The following HDAC9 variants were observed in gnomAD, a reference collection of about 807,000 sequenced individuals.
HDAC9 encodes the protein histone deacetylase 9, also known as MEF-2 interacting transcription repressor (MITR) protein.
Under a neutral mutation model 139.4 loss-of-function variants are expected in HDAC9, and 41 were observed. The observed-to-expected ratio is 0.29, with a 90% confidence interval of 0.23 to 0.38. HDAC9 has a LOEUF of 0.38. Among genes scored for constraint, HDAC9 ranks in the 10% least tolerant of loss-of-function variants. HDAC9 has a pLI of 1.00. For missense variants in HDAC9, 1,147 were observed against 1,297.0 expected (o/e 0.88, Z 1.78); for synonymous variants, 517 against 476.2 (o/e 1.09, Z -1.12).
chr7:18,887,292 T>G (rs1229055303), intron 22 of HDAC9, among the ~76,000 whole-genome samples: 1 of 152,200 alleles, frequency 6.6e-6, no homozygotes. Flanking sequence ...GTACTGCAAT[T>G]GGCATTTCCA....
chr7:18,418,442 A>C (rs1249287046), intron 1 of HDAC9, among the ~76,000 whole-genome samples: 1 of 147,962 alleles, frequency 6.8e-6, no homozygotes, highest in Admixed American at 6.7e-5. Context: ...AAAAAAAAAA[A>C]CTACAGCTAC....
intron 2 of HDAC9, among the ~76,000 whole-genome samples, chr7:18,210,413 T>C (rs1584653409): frequency 6.6e-6 from 1 of 152,198 alleles, no homozygotes; most frequent in Non-Finnish European, 1.5e-5. Context: ...TTTCAGACAA[T>C]GTAGAATAAA....
intron 1 of HDAC9, among the ~76,000 whole-genome samples, chr7:18,364,618 G>A (rs934905153): frequency 6.6e-6 from 1 of 151,924 alleles, no homozygotes; most frequent in African/African-American, 2.4e-5. Context: ...AGAATCTCAG[G>A]CCCCCAAAGC....
intron 14 of HDAC9, 121 bp downstream of exon 14, chr7:18,749,259 AC>A: frequency 9.7e-7 from 1 of 1,032,298 alleles, no homozygotes; most frequent in Non-Finnish European, 1.4e-6. Flanking sequence ...TGATTGATGA[AC>A]CATCATAGAT....
intron 2 of HDAC9, among the ~76,000 whole-genome samples, chr7:18,547,858 A>T (rs62446988): frequency 0.14 from 3,511 of 25,928 alleles, 81 homozygotes; most frequent in African/African-American, 0.25. Flanking sequence ...CTTCCTTCCT[A>T]CCCTCCCTCC....
chr7:18,200,491 G>A (rs1049118900), intron 2 of HDAC9, among the ~76,000 whole-genome samples: 3 of 151,986 alleles, frequency 2.0e-5, no homozygotes, highest in African/African-American at 7.3e-5. Context: ...GTACTTTTTG[G>A]CCTGGCTCAA....
chr7:18,750,034 C>T (rs114749131), intron 14 of HDAC9, among the ~76,000 whole-genome samples: 2,015 of 152,256 alleles, frequency 0.013, 50 homozygotes, highest in African/African-American at 0.046. Context: ...AACAAAATTC[C>T]TATTCAAATT....
At chr7:18,992,332 A>T (rs1786048162) in intron 25 of HDAC9, among the ~76,000 whole-genome samples, 1 of 152,228 alleles carries the variant, frequency 6.6e-6, no homozygotes, top group Non-Finnish European at 1.5e-5. Flanking sequence ...ACCAGCTTCA[A>T]ACTAGATAAA....
At chr7:18,448,553 C>T (rs924990912) in intron 1 of HDAC9, among the ~76,000 whole-genome samples, 6 of 151,976 alleles carry the variant, frequency 3.9e-5, no homozygotes, top group African/African-American at 9.7e-5. Flanking sequence ...GAGAGGGTAA[C>T]GTAACTATTT....
intron 2 of HDAC9, among the ~76,000 whole-genome samples, chr7:18,501,381 T>C (rs916160985): frequency 6.6e-6 from 1 of 151,994 alleles, no homozygotes; most frequent in African/African-American, 2.4e-5. Context: ...CTGCTTAAAA[T>C]AGAAACACAT....
Position 18,324,567 on chromosome 7 carries a change from T to C in HDAC9, c.-42+34052T>C, listed in dbSNP as rs191480835. ...CTTACGGTTTTTCTTGGGTGCTGTATACCCTTGCTACTCACAATGTGGTCC... is the reference window on the plus strand; with the variant it reads ...CTTACGGTTTTTCTTGGGTGCTGTACACCCTTGCTACTCACAATGTGGTCC... On this transcript the variant is annotated intron_variant, in intron 1 of 3. Transcript: ENST00000413509. Among the ~76,000 whole-genome samples, 146 of 152,274 alleles carry C rather than the reference T, an allele frequency of 9.6e-4. 1 individual carries two copies. Among genetic ancestry groups the C allele is most frequent in the East Asian group, 4.3e-3 (22 of 5,174 alleles).
chr7:18,487,888 C>T (rs1374482117), intron 1 of HDAC9, among the ~76,000 whole-genome samples: 1 of 151,926 alleles, frequency 6.6e-6, no homozygotes, highest in Admixed American at 6.6e-5. Flanking sequence ...GTATCTGCTA[C>T]AATTATGTTA....
chr7:18,368,524 CAT>C (rs1784358259), intron 1 of HDAC9, among the ~76,000 whole-genome samples: 2 of 151,602 alleles, frequency 1.3e-5, no homozygotes. Flanking sequence ...TAGAGCAAAA[CAT>C]ATTGTTTTGC....
chr7:18,474,355 A>G (rs888829516), intron 1 of HDAC9, among the ~76,000 whole-genome samples: 1 of 152,328 alleles, frequency 6.6e-6, no homozygotes, highest in South Asian at 2.1e-4. Context: ...GTGCTTTTGC[A>G]TGTCAGGTAT....
At chr7:18,386,510 A>G (rs1785943972) in intron 1 of HDAC9, among the ~76,000 whole-genome samples, 1 of 152,164 alleles carries the variant, frequency 6.6e-6, no homozygotes, top group African/African-American at 2.4e-5. Flanking sequence ...TTTTGAAGCC[A>G]AAACAACCTG....
intron 8 of HDAC9, among the ~76,000 whole-genome samples, chr7:18,643,411 A>T (rs145018523): frequency 7.3e-4 from 111 of 152,264 alleles, no homozygotes; most frequent in African/African-American, 2.5e-3. Flanking sequence ...TTTAAGAAGT[A>T]ACAAAATCTG....
intron 2 of HDAC9, among the ~76,000 whole-genome samples, chr7:18,517,275 C>T (rs927123697): frequency 2.6e-5 from 4 of 152,162 alleles, no homozygotes; most frequent in South Asian, 4.1e-4. Flanking sequence ...TGCCACCTGA[C>T]TCTGTTCTTA....
chr7:18,486,372 A>G (rs144360283), intron 1 of HDAC9, among the ~76,000 whole-genome samples: 181 of 152,290 alleles, frequency 1.2e-3, no homozygotes, highest in African/African-American at 4.3e-3. Context: ...TCTAGAAAGT[A>G]TATGATCATA....
At chr7:18,455,347 A>G (rs752802438) in intron 1 of HDAC9, among the ~76,000 whole-genome samples, 7 of 152,182 alleles carry the variant, frequency 4.6e-5, no homozygotes, top group Non-Finnish European at 8.8e-5. Flanking sequence ...TATGGCTATG[A>G]TATCCTTGTC....
Sources: allele counts gnomAD v4.1 joint callset (sites outside exome capture counted in the v4.1 genomes callset), GRCh38; gene constraint gnomAD v4.1.1; transcripts MANE v1.5; gene names NCBI Gene and HGNC (gene_info 2026-07-23, HGNC 2026-07-21).